Variants in CDC42BPB observed in about 807,000 individuals in gnomAD.
CDC42BPB encodes CDC42 binding protein kinase beta, also known as serine/threonine-protein kinase MRCK beta.
A neutral mutation model predicts 214.9 loss-of-function variants in CDC42BPB; 37 were observed. The ratio of observed to expected loss-of-function variants is 0.17; its 90% CI spans 0.13 to 0.23. CDC42BPB has a LOEUF of 0.23. Ranked by LOEUF, CDC42BPB falls within the 10% of genes least tolerant of loss-of-function variation. CDC42BPB has a pLI of 1.00. For missense variants in CDC42BPB, 1,694 were observed against 2,227.0 expected, an observed-to-expected ratio of 0.76 and a Z score of 4.82; for synonymous variants, 931 against 884.0, an observed-to-expected ratio of 1.05 and a Z score of -0.94.
At chr14:103,031,259 G>C (rs573938936) in intron 1 of CDC42BPB, among the ~76,000 whole-genome samples, 51 of 152,136 alleles carry the variant, frequency 3.4e-4, no homozygotes, top group Admixed American at 6.5e-4. Context: ...GTAATAAACA[G>C]GAAGGAAGGA....
At chr14:102,984,857 T>C (rs1894163509) in intron 6 of CDC42BPB, among the ~76,000 whole-genome samples, 1 of 152,128 alleles carries the variant, frequency 6.6e-6, no homozygotes, top group Admixed American at 6.5e-5. Flanking sequence ...GCTGAATGGA[T>C]CAGCAGAGAA....
In CDC42BPB at chr14:102,939,871, G is replaced by A. The variant is rs745550984; in HGVS notation, c.4668C>T (p.Phe1556=). Residue 1556 remains phenylalanine, a synonymous_variant, in exon 33 of 37, where the codon TTC becomes TTT. Coordinates refer to ENST00000361246, the MANE Select transcript of CDC42BPB (RefSeq NM_006035.4). ...TCTCTTCCTCTGGGACCTTGAAGACGAACCGCCTTTTGCTCCTGGTGCGCA... is the reference window on the plus strand; with the variant it reads ...TCTCTTCCTCTGGGACCTTGAAGACAAACCGCCTTTTGCTCCTGGTGCGCA... The part of the protein sequence containing the change: ...QMLRTRSKRR[F]VFKVPEEERL... 91 of 1,613,946 alleles carry A rather than the reference G, an allele frequency of 5.6e-5. No individual in the cohort carries two copies. Among genetic ancestry groups the A allele is most frequent in the Middle Eastern group, 3.3e-4 (2 of 6,084 alleles).
At chr14:103,008,018 C>T (rs571555024) in intron 3 of CDC42BPB, among the ~76,000 whole-genome samples, 27 of 152,160 alleles carry the variant, frequency 1.8e-4, no homozygotes, top group East Asian at 1.5e-3. Flanking sequence ...AAGACTGACA[C>T]GGAACTAAGA....
rs558130669 is a variant in CDC42BPB at position 102,981,092 on chromosome 14, T to C, written c.892-71A>G. 89 of 1,588,338 alleles carry C rather than the reference T, an allele frequency of 5.6e-5. No individual in the cohort carries two copies. The East Asian group carries it at 1.3e-3, about 23-fold the overall frequency. Reference sequence around the variant, plus strand: ...GAGAGTTTAAGGTGTACAGATATGATAGGAAACAAAGTAGAAATGGTAGCT... The same window carrying C: ...GAGAGTTTAAGGTGTACAGATATGACAGGAAACAAAGTAGAAATGGTAGCT... On this transcript the variant is annotated intron_variant, in intron 7 of 36. Transcript: ENST00000361246.
At chr14:102,961,537 C>A (rs899124234) in intron 20 of CDC42BPB, among the ~76,000 whole-genome samples, 5 of 149,522 alleles carry the variant, frequency 3.3e-5, no homozygotes, top group Admixed American at 1.3e-4. Flanking sequence ...AAAACCCCCC[C>A]CACTTTTTTT....
At chr14:103,040,227 T>C (rs540067071) in intron 1 of CDC42BPB, among the ~76,000 whole-genome samples, 2 of 151,374 alleles carry the variant, frequency 1.3e-5, no homozygotes, top group Admixed American at 6.6e-5. Context: ...TCGTGGCGGG[T>C]GCCTGCAATC....
At chr14:102,995,062 C>T (rs976162509) in intron 5 of CDC42BPB, among the ~76,000 whole-genome samples, 2 of 152,168 alleles carry the variant, frequency 1.3e-5, no homozygotes, top group Non-Finnish European at 2.9e-5. Context: ...CTTTTATTTT[C>T]CAAGACTTTT....
At position 102,972,104 on chromosome 14, in the gene CDC42BPB, G is replaced by A. The variant is rs1288598764; in HGVS notation, c.1699C>T (p.His567Tyr). Reference sequence around the variant, plus strand: ...TGCAGGGCCAGCTTTCGCTGCTGATGGGCATCTTTGAGTTCCTTGGCCTGG... The same window carrying A: ...TGCAGGGCCAGCTTTCGCTGCTGATAGGCATCTTTGAGTTCCTTGGCCTGG... ...KSQAKELKDA[H>Y]QQRKLALQEF... The change falls in exon 13 of 37, where the codon CAT (histidine) becomes TAT (tyrosine). Residue 567 changes from histidine (H) to tyrosine (Y), a missense_variant. By Grantham distance (83) the His-to-Tyr change is moderately conservative. Coordinates refer to ENST00000361246, the MANE Select transcript of CDC42BPB (RefSeq NM_006035.4). The A allele has an allele frequency of 6.2e-7, 1 of 1,614,242 alleles. No individual in the cohort carries two copies. The highest frequency in any genetic ancestry group is 1.1e-5 in the South Asian group (1 of 91,092).
chr14:102,938,413 TG>T lies in CDC42BPB; in HGVS notation c.4828-3del. The T allele has an allele frequency of 6.5e-7, 1 of 1,530,382 alleles. No individual in the cohort carries two copies. 94.8% of individuals were successfully genotyped at this position (1,530,382 alleles called of 1,614,324 possible). On this transcript the variant is annotated splice_polypyrimidine_tract_variant and splice_region_variant and intron_variant, in intron 34 of 36. Transcript: ENST00000361246. The stretch of plus-strand genomic sequence containing the variant: ...CTCCTGGGAGGGGGGCACAGCACTC[TG>T]GGCAGAAATAGCAACACGTGAGCAT...
At chr14:102,996,516 C>T (rs1021556013) in intron 5 of CDC42BPB, among the ~76,000 whole-genome samples, 4 of 151,976 alleles carry the variant, frequency 2.6e-5, no homozygotes, top group African/African-American at 7.3e-5. Flanking sequence ...ATGTTAAAAC[C>T]TATACTAACT....
At position 103,057,255 on chromosome 14, in the gene CDC42BPB, GGCGGCTGCGAGCCCCGGCAGCA is replaced by G; in HGVS notation, c.-104_-83del. ...CGTCAGGGCGCGCCCTCGGGGGCTC[GGCGGCTGCGAGCCCCGGCAGCA>G]GCGGCGCCTCCTCGCCGCCCCGTCC... On this transcript the variant is annotated 5_prime_UTR_variant, in exon 1 of 37. It removes the in-frame stop codon of an upstream open reading frame in the 5' UTR. Transcript: ENST00000361246. 8.4e-7 allele frequency: 1 copy of G among 1,185,878 alleles called. No individual in the cohort carries two copies. Among genetic ancestry groups the G allele is most frequent in the Non-Finnish European group, 1.0e-6 (1 of 958,928 alleles). The allele number at this position is 1,185,878 out of a possible 1,614,324, so 73.5% of individuals were successfully genotyped here. A position where few individuals can be genotyped will look rare whatever the true frequency, so the allele number is the denominator to read the frequency against.
intron 1 of CDC42BPB, among the ~76,000 whole-genome samples, chr14:103,015,921 T>C (rs1262452580): frequency 6.6e-6 from 1 of 151,984 alleles, no homozygotes. Flanking sequence ...TTTCACTATG[T>C]TACCCAGGAT....
rs972116399 is a variant in CDC42BPB, at chr14:103,004,905, C to T, written c.352-882G>A. On this transcript the variant is annotated intron_variant, in intron 3 of 36. Transcript: ENST00000361246. This position sits in a 1 kb window ranked among gnomAD's most constrained non-coding sequence, Gnocchi z 5.3. Reference sequence around the variant, plus strand: ...AAAAATGGCTGGTCACGGTGGCCCACACCTGTGGTCCCAGCAGTTTGGGAG... The same window carrying T: ...AAAAATGGCTGGTCACGGTGGCCCATACCTGTGGTCCCAGCAGTTTGGGAG... Among the ~76,000 whole-genome samples the T allele has an allele frequency of 2.6e-5, 4 of 151,924 alleles. No individual in the cohort carries two copies. The highest frequency in any genetic ancestry group is 4.8e-5 in the African/African-American group (2 of 41,360).
intron 1 of CDC42BPB, among the ~76,000 whole-genome samples, chr14:103,041,007 T>C (rs923610075): frequency 1.3e-5 from 2 of 152,198 alleles, no homozygotes; most frequent in Non-Finnish European, 2.9e-5. Context: ...GGAGGACTCA[T>C]ACTTCCTAAT....
chr14:102,995,200 G>C (rs975898295), intron 5 of CDC42BPB, among the ~76,000 whole-genome samples: 1 of 149,998 alleles, frequency 6.7e-6, no homozygotes, highest in Admixed American at 6.6e-5. Context: ...TTGAGACAGA[G>C]TATCGCTCTT....
intron 21 of CDC42BPB, among the ~76,000 whole-genome samples, chr14:102,957,531 A>C (rs1466154889): frequency 6.6e-6 from 1 of 152,256 alleles, no homozygotes; most frequent in Non-Finnish European, 1.5e-5. Context: ...ACTTGTGCAG[A>C]AACAGGCTTA....
chr14:102,966,396 G>A lies in CDC42BPB; in HGVS notation c.2472-9C>T, dbSNP rs778298095. On this transcript the variant is annotated splice_polypyrimidine_tract_variant and intron_variant, in intron 17 of 36. Transcript: ENST00000361246. ...CTTTCTCGTCACTGACCCTGGAGGA[G>A]GGAACAGATGTTCTATCTCACGAAG... is the stretch of plus-strand genomic sequence containing the variant. 3.1e-6 allele frequency: 5 copies of A among 1,612,714 alleles called. No homozygotes were observed. The highest frequency in any genetic ancestry group is 2.2e-5 in the South Asian group (2 of 90,972).
rs376192133 is a variant in CDC42BPB, at chr14:102,943,859, A to C, written c.4408+32T>G. 3 of 1,558,424 alleles carry C rather than the reference A, an allele frequency of 1.9e-6. No individual in the cohort carries two copies. In the East Asian group the frequency reaches 6.8e-5, roughly 35 times the overall value. On this transcript the variant is annotated intron_variant, in intron 30 of 36. Coordinates refer to ENST00000361246, the MANE Select transcript of CDC42BPB (RefSeq NM_006035.4). The surrounding 1 kb of genome is among the most constrained non-coding windows in gnomAD (Gnocchi z 4.6). ...CTGACTGTCGGTGGGAAAAGCAGCA[A>C]CAGGGATATGCAACAGAAAACATAT... is the stretch of plus-strand genomic sequence containing the variant.
chr14:103,016,947 C>A (rs1886499512), intron 1 of CDC42BPB, among the ~76,000 whole-genome samples: 1 of 152,142 alleles, frequency 6.6e-6, no homozygotes, highest in Non-Finnish European at 1.5e-5. Flanking sequence ...CAGGAAACCG[C>A]AAGGTGAGCC....
Sources: allele counts gnomAD v4.1 joint callset (sites outside exome capture counted in the v4.1 genomes callset), GRCh38; gene constraint gnomAD v4.1.1; non-coding constraint Gnocchi (gnomAD v3.1); transcripts MANE v1.5; gene names NCBI Gene and HGNC (gene_info 2026-07-23, HGNC 2026-07-21).